The following RGS12 variants were observed in gnomAD, a reference collection of about 807,000 sequenced individuals.
The protein encoded by RGS12 is regulator of G-protein signaling 12.
In RGS12, 66 loss-of-function variants were observed where a neutral mutation model predicts 120.1. The ratio of observed to expected loss-of-function variants is 0.55; its 90% CI spans 0.45 to 0.67. The LOEUF (loss-of-function observed/expected upper bound fraction) is 0.67. RGS12 is among the 30% of genes least tolerant of loss of function. The pLI is 0.00. For missense variants in RGS12, 1,859 were observed against 1,957.7 expected (o/e 0.95, Z 0.95); for synonymous variants, 827 against 804.7 (o/e 1.03, Z -0.47).
upstream of RGS12, among the ~76,000 whole-genome samples, chr4:3,288,958 G>C (rs1307074561): frequency 1.3e-5 from 2 of 152,154 alleles, no homozygotes; most frequent in East Asian, 3.9e-4. The surrounding 1 kb of genome is among the most constrained non-coding windows in gnomAD (Gnocchi z 5.2). Flanking sequence ...CTCCAGCCTG[G>C]CTGCCCACTC....
chr4:3,430,922 A>AC lies in RGS12; in HGVS notation c.4087dup (p.Gln1363ProfsTer71). On this transcript the variant is annotated frameshift_variant, in exon 17 of 18. Transcript: ENST00000336727. LOFTEE classifies it low-confidence loss of function (END_TRUNC). ...CAGCACCTTGCTGCCGCCGCCCTCCACCCCCCAGGAAGTGCCAGGACCTTC... is the reference window on the plus strand; with the variant it reads ...CAGCACCTTGCTGCCGCCGCCCTCCACCCCCCCAGGAAGTGCCAGGACCTTC... The AC allele has an allele frequency of 1.9e-6, 3 of 1,612,262 alleles. No individual in the cohort carries two copies. The highest frequency in any genetic ancestry group is 2.2e-5 in the East Asian group (1 of 44,854).
chr4:3,434,675 C>T (rs1456017486), intron 17 of RGS12, among the ~76,000 whole-genome samples: 1 of 152,212 alleles, frequency 6.6e-6, no homozygotes, highest in Admixed American at 6.5e-5. Context: ...TTCAAAAGGT[C>T]GCGTGCACCC....
chr4:3,300,567 C>G (rs933668819), intron 1 of RGS12, among the ~76,000 whole-genome samples: 1 of 152,126 alleles, frequency 6.6e-6, no homozygotes, highest in Non-Finnish European at 1.5e-5. Context: ...GCCCCCGGTC[C>G]CGTCACAGTT....
intron 16 of RGS12, among the ~76,000 whole-genome samples, chr4:3,430,072 C>A (rs1466798206): frequency 6.6e-6 from 1 of 152,208 alleles, no homozygotes; most frequent in Admixed American, 6.5e-5. Flanking sequence ...AAAGCCCAGG[C>A]CAGAGAGTCC....
chr4:3,394,794 A>G (rs1160346023), intron 4 of RGS12, among the ~76,000 whole-genome samples: 1 of 152,172 alleles, frequency 6.6e-6, no homozygotes, highest in Non-Finnish European at 1.5e-5. Context: ...CAGCAGCCCA[A>G]GCGCCCCTGC....
intron 3 of RGS12, among the ~76,000 whole-genome samples, chr4:3,345,544 G>C (rs1406554324): frequency 6.6e-6 from 1 of 152,220 alleles, no homozygotes; most frequent in Non-Finnish European, 1.5e-5. Flanking sequence ...TGGTGACCAG[G>C]AGTCAGTGTC....
Position 3,332,134 on chromosome 4 carries a change from G to T in RGS12, c.1882-10803G>T, listed in dbSNP as rs1711921792. ...GGAGGTAGAGGATCCCTGAGCAAAG[G>T]GGCAGAGACCAGTGTGGCCCCTTCA... On this transcript the variant is annotated intron_variant, in intron 2 of 17. Coordinates refer to ENST00000336727, the MANE Select transcript of RGS12 (RefSeq NM_001394154.1). 2.0e-5 allele frequency among the ~76,000 whole-genome samples: 3 copies of T among 152,180 alleles called. No individual in the cohort carries two copies. The South Asian group carries it at 6.2e-4, about 32-fold the overall frequency.
chr4:3,290,044 C>T (rs1299113976), upstream of RGS12, among the ~76,000 whole-genome samples: 3 of 152,202 alleles, frequency 2.0e-5, no homozygotes, highest in Non-Finnish European at 4.4e-5. Flanking sequence ...TCTTTATCCA[C>T]CTAATCCATC....
chr4:3,439,590 G>T lies in RGS12; in HGVS notation c.4250G>T (p.Gly1417Val). ...QAGPGRSQAS[G>V]GPPTSDLPGL... ...GGCCCTGGGAGGTCGCAGGCCAGTG[G>T]TGGGCCTCCTACATCAGACCTCCCT... The change falls in exon 18 of 18, where the codon GGT becomes GTT. Residue 1417 changes from glycine (G) to valine (V), a missense_variant. By Grantham distance (109) the Gly-to-Val change is moderately radical (BLOSUM62 -3). Around this residue, in one of 3 missense-constraint regions of RGS12, gnomAD observed 517 missense variants for 488.5 expected, o/e 1.06. Coordinates refer to ENST00000336727, the MANE Select transcript of RGS12 (RefSeq NM_001394154.1). The T allele has an allele frequency of 6.2e-7, 1 of 1,610,640 alleles. No homozygotes were observed. The highest frequency in any genetic ancestry group is 8.5e-7 in the Non-Finnish European group (1 of 1,178,698).
chr4:3,320,258 T>C (rs1026693878), intron 2 of RGS12, among the ~76,000 whole-genome samples: 2 of 152,204 alleles, frequency 1.3e-5, no homozygotes, highest in African/African-American at 4.8e-5. Context: ...CACCAGTGAA[T>C]GGACTCCTCC....
intron 3 of RGS12, among the ~76,000 whole-genome samples, chr4:3,347,537 C>G (rs1322274023): frequency 6.6e-6 from 1 of 152,174 alleles, no homozygotes; most frequent in Non-Finnish European, 1.5e-5. Flanking sequence ...ATAAAAACAT[C>G]TCATCAGTTA....
At chr4:3,384,595 G>T (rs2108958347) in intron 3 of RGS12, among the ~76,000 whole-genome samples, 2 of 152,370 alleles carry the variant, frequency 1.3e-5, no homozygotes, top group Admixed American at 1.3e-4. Flanking sequence ...AGTTCCTGCG[G>T]CTGAGGGCCA....
Position 3,433,713 on chromosome 4 carries a change from G to A in RGS12, c.4114+2758G>A, listed in dbSNP as rs1418567236. 6.6e-6 allele frequency among the ~76,000 whole-genome samples: 1 copy of A among 151,572 alleles called. No individual in the cohort carries two copies. The highest frequency in any genetic ancestry group is 1.9e-4 in the East Asian group (1 of 5,152). On this transcript the variant is annotated intron_variant, in intron 17 of 17. Coordinates refer to ENST00000336727, the MANE Select transcript of RGS12 (RefSeq NM_001394154.1). The surrounding 1 kb of genome is among the most constrained non-coding windows in gnomAD (Gnocchi z 4.4). ...CACGCCCTTCTAGCCTCAGCGTCATGCACCGCACCGCCCCATGCTTCTAGC... is the reference window on the plus strand; with the variant it reads ...CACGCCCTTCTAGCCTCAGCGTCATACACCGCACCGCCCCATGCTTCTAGC...
chr4:3,420,708 G>C lies in RGS12; in HGVS notation c.2828G>C (p.Ser943Thr), dbSNP rs2109148215. The C allele has an allele frequency of 6.2e-7, 1 of 1,612,260 alleles. No homozygotes were observed. Among genetic ancestry groups the C allele is most frequent in the East Asian group, 2.2e-5 (1 of 44,880 alleles). ...CAGGGCTCTGTGTCCTCTGCGGGGA[G>C]CCTGGACCTGGTGAGTCACTGTCTC... ...ESQGSVSSAG[S>T]LDLSEACRTL... The change falls in exon 10 of 18, where the codon AGC becomes ACC. Residue 943 changes from serine to threonine, a missense_variant. Coordinates refer to ENST00000336727, the MANE Select transcript of RGS12 (RefSeq NM_001394154.1).
At chr4:3,402,943 A>G (rs1720743022) in intron 4 of RGS12, among the ~76,000 whole-genome samples, 1 of 152,194 alleles carries the variant, frequency 6.6e-6, no homozygotes, top group Admixed American at 6.5e-5. Context: ...CCCTGTGGTC[A>G]GATGTGACCT....
rs1722917073 is a variant in RGS12 at position 3,420,658 on chromosome 4, T to C, written c.2778T>C (p.Asn926=). The C allele has an allele frequency of 6.2e-7, 1 of 1,613,636 alleles. No individual in the cohort carries two copies. The highest frequency in any genetic ancestry group is 1.1e-5 in the South Asian group (1 of 91,088). Residue 926 remains asparagine, a synonymous_variant, in exon 10 of 18, where the codon AAT becomes AAC. Transcript: ENST00000336727. ...GDHADDALHA[N]GGLCRRESQG... ...CCTGTCAAGACGCCCTGCATGCCAA[T>C]GGAGGCCTGTGTCGCCGAGAGTCGC...
intron 3 of RGS12, among the ~76,000 whole-genome samples, chr4:3,344,287 C>T (rs113346030): frequency 0.061 from 9,258 of 152,184 alleles, 479 homozygotes; most frequent in African/African-American, 0.14. Flanking sequence ...TCAGGGCTAG[C>T]GTGCTGTATC....
In RGS12 at chr4:3,423,522, C is replaced by G. The variant is rs573744086; in HGVS notation, c.3115C>G (p.Leu1039Val). Residue 1039 changes from leucine to valine, a missense_variant, in exon 13 of 18, where the codon CTT (leucine) becomes GTT (valine). Physicochemically the swap from Leu to Val is conservative, Grantham distance 32. This residue lies in a region of RGS12 where 375 missense variants were observed against 475.0 expected (regional missense o/e 0.79). Coordinates refer to ENST00000336727, the MANE Select transcript of RGS12 (RefSeq NM_001394154.1). ...TTTTTCATCCCCCACCAGGCTGGAT[C>G]TTGTTCCGATTAACCGGTCAGTGGG... ...LEKRTLFRLD[L>V]VPINRSVGLK... 1 of 1,613,066 alleles carries G rather than the reference C, an allele frequency of 6.2e-7. No homozygotes were observed. The highest frequency in any genetic ancestry group is 1.7e-5 in the Admixed American group (1 of 60,002).
At chr4:3,362,462 G>C (rs891655250) in intron 3 of RGS12, among the ~76,000 whole-genome samples, 3 of 139,226 alleles carry the variant, frequency 2.2e-5, no homozygotes, top group Admixed American at 1.5e-4. Flanking sequence ...GGGTGCGAGG[G>C]TGTGTGTGAG....
Sources: allele counts gnomAD v4.1 joint callset (sites outside exome capture counted in the v4.1 genomes callset), GRCh38; gene constraint gnomAD v4.1.1; regional missense constraint gnomAD v4.1.1; non-coding constraint Gnocchi (gnomAD v3.1); transcripts MANE v1.5; gene names NCBI Gene and HGNC (gene_info 2026-07-23, HGNC 2026-07-21).